The following MYH16 variants were observed in gnomAD, a reference collection of about 807,000 sequenced individuals.
The protein encoded by MYH16 is putative uncharacterized protein MYH16.
chr7:99,283,514 A>G (rs930422157), intron 23 of MYH16, 51 bp from the exon 6 acceptor site: 2 of 454,336 alleles, frequency 4.4e-6, no homozygotes, highest in Non-Finnish European at 8.8e-6. Flanking sequence ...AGGACTGTTC[A>G]GCTGCTCCCA....
At chr7:99,287,699 T>C (rs530578868) in intron 28 of MYH16, 193 bp from the exon 10 acceptor site, 3 of 349,642 alleles carry the variant, frequency 8.6e-6, no homozygotes, top group South Asian at 6.4e-5. Context: ...GAGGGCACAA[T>C]TTAACACACA....
intron 18 of MYH16, chr7:99,267,031 G>T (rs572202547): frequency 6.6e-6 from 1 of 152,642 alleles, no homozygotes; most frequent in Non-Finnish European, 1.5e-5. Context: ...TTCCAAGAAG[G>T]TGGGCTTTGG....
chr7:99,293,122 C>A (rs1032347331), intron 32 of MYH16, among the ~76,000 whole-genome samples: 1 of 152,144 alleles, frequency 6.6e-6, no homozygotes, highest in African/African-American at 2.4e-5. Flanking sequence ...GGCCAGGCAG[C>A]AGAGGGGATC....
At chr7:99,271,168 G>A (rs1016288088) in intron 19 of MYH16, 1 of 152,572 alleles carries the variant, frequency 6.6e-6, no homozygotes, top group African/African-American at 2.4e-5. Context: ...TGGCCATGCT[G>A]CGTGGTGGGC....
exon 35 of MYH16, chr7:99,297,752 G>A (rs1390638961): frequency 1.1e-5 from 5 of 456,570 alleles, no homozygotes; most frequent in African/African-American, 1.0e-4. Context: ...GATGGAAAAG[G>A]AAGAACTCCA....
At chr7:99,264,461 G>T (rs552545286) in intron 15 of MYH16, among the ~76,000 whole-genome samples, 2 of 152,286 alleles carry the variant, frequency 1.3e-5, no homozygotes, top group South Asian at 4.1e-4. Context: ...AGAATCATAG[G>T]ATCATTGGGC....
chr7:99,296,148 TA>T (rs60180969), intron 33 of MYH16, among the ~76,000 whole-genome samples: 2,871 of 91,392 alleles, frequency 0.031, 32 homozygotes, highest in Non-Finnish European at 0.046. Flanking sequence ...CATCTCAATT[TA>T]AAAAAAAAAA....
chr7:99,311,123 A>G (rs1792755042), downstream of MYH16: 3 of 152,190 alleles, frequency 2.0e-5, no homozygotes, highest in South Asian at 6.2e-4. Context: ...ACATTAAAAA[A>G]ATAGACCAAC....
chr7:99,309,195 C>T (rs1353992382), downstream of MYH16, among the ~76,000 whole-genome samples: 5 of 152,094 alleles, frequency 3.3e-5, no homozygotes, highest in African/African-American at 9.7e-5. Context: ...AAGACTGGTT[C>T]GCTTTGGGAG....
chr7:99,307,588 G>A (rs1251857818), downstream of MYH16, among the ~76,000 whole-genome samples: 2 of 151,786 alleles, frequency 1.3e-5, no homozygotes, highest in Non-Finnish European at 2.9e-5. Context: ...TCCAGGCATG[G>A]TGGTGCACAC....
chr7:99,284,176 G>A (rs936451468), intron 25 of MYH16, among the ~76,000 whole-genome samples, 158 bp downstream of exon 7: 3 of 152,146 alleles, frequency 2.0e-5, no homozygotes, highest in Non-Finnish European at 4.4e-5. Flanking sequence ...GAGAGGTAGG[G>A]GCTGCCCTGT....
chr7:99,300,313 G>C (rs1303446129), intron 37 of MYH16, among the ~76,000 whole-genome samples: 2 of 152,104 alleles, frequency 1.3e-5, no homozygotes, highest in African/African-American at 4.8e-5. Context: ...TTCAGACATA[G>C]AGAAATGAAG....
At chr7:99,302,049 A>G (rs182842320) in intron 38 of MYH16, among the ~76,000 whole-genome samples, 60 of 152,252 alleles carry the variant, frequency 3.9e-4, no homozygotes, top group Non-Finnish European at 7.6e-4. Flanking sequence ...CATGCCTATA[A>G]TCCCAGCACT....
chr7:99,297,169 T>C (rs1305571688), intron 34 of MYH16, among the ~76,000 whole-genome samples: 1 of 152,160 alleles, frequency 6.6e-6, no homozygotes, highest in Non-Finnish European at 1.5e-5. Context: ...TGATAGCTCA[T>C]GCCTGTAATC....
chr7:99,296,148 TAAAAAAAAA>T (rs60180969), intron 33 of MYH16, among the ~76,000 whole-genome samples: 1 of 91,418 alleles, frequency 1.1e-5, no homozygotes, highest in Non-Finnish European at 2.3e-5. Flanking sequence ...CATCTCAATT[TAAAAAAAAA>T]AAAAAAAAAA....
intron 9 of MYH16, among the ~76,000 whole-genome samples, chr7:99,255,951 C>G (rs941364789): frequency 1.3e-5 from 2 of 152,094 alleles, no homozygotes; most frequent in African/African-American, 4.8e-5. Context: ...TTTCCTCCTC[C>G]CCAGCCCAGC....
chr7:99,299,079 A>T (rs1053638992), intron 36 of MYH16, among the ~76,000 whole-genome samples: 15 of 126,902 alleles, frequency 1.2e-4, no homozygotes, highest in Admixed American at 9.9e-4. Flanking sequence ...AAAATAAAAA[A>T]TAAAAATAAA....
intron 32 of MYH16, among the ~76,000 whole-genome samples, chr7:99,293,697 G>A (rs1792426292): frequency 6.6e-6 from 1 of 152,170 alleles, no homozygotes; most frequent in Non-Finnish European, 1.5e-5. Context: ...GTTCTATAGG[G>A]CATGTATTGC....
chr7:99,288,365 G>A (rs1156746756), intron 29 of MYH16, among the ~76,000 whole-genome samples: 2 of 152,174 alleles, frequency 1.3e-5, no homozygotes, highest in East Asian at 1.9e-4. Context: ...CTTGAGCCCA[G>A]GGGGTTGAGA....
Sources: gnomAD v4.1 joint callset for allele counts (sites outside exome capture counted in the v4.1 genomes callset) on GRCh38, gnomAD v4.1.1 for gene constraint, MANE v1.5 for transcripts, NCBI Gene and HGNC (gene_info 2026-07-23, HGNC 2026-07-21) for gene names.